The following STK39 variants were observed in gnomAD, a reference collection of about 807,000 sequenced individuals.
The protein encoded by STK39 is STE20/SPS1-related proline-alanine-rich protein kinase.
Under a neutral mutation model 77.8 loss-of-function variants are expected in STK39, and 20 were observed. The observed-to-expected ratio is 0.26, with a 90% CI of 0.18 to 0.37. The LOEUF (loss-of-function observed/expected upper bound fraction) is 0.37, where lower values mean the gene tolerates loss of function less well. STK39 is among the 10% of genes least tolerant of loss of function. STK39 has a pLI of 1.00. For missense variants in STK39, 479 were observed against 656.5 expected, an observed-to-expected ratio of 0.73 and a Z score of 2.95; for synonymous variants, 246 against 234.1, an observed-to-expected ratio of 1.05 and a Z score of -0.47.
At chr2:167,974,129 T>C (rs888668590) in intron 16 of STK39, among the ~76,000 whole-genome samples, 1 of 152,076 alleles carries the variant, frequency 6.6e-6, no homozygotes, top group Non-Finnish European at 1.5e-5. Flanking sequence ...TAAAAGATTT[T>C]TGTTTGTCTT....
chr2:168,229,039 T>A (rs773065562), intron 1 of STK39, among the ~76,000 whole-genome samples: 7 of 152,142 alleles, frequency 4.6e-5, no homozygotes, highest in Non-Finnish European at 8.8e-5. Context: ...TATAATATTT[T>A]ATGATAAGGG....
intron 10 of STK39, among the ~76,000 whole-genome samples, chr2:168,108,641 G>A (rs17782237): frequency 0.37 from 55,449 of 151,914 alleles, 11,053 homozygotes; most frequent in South Asian, 0.47. Flanking sequence ...AGTCCATAAA[G>A]GTCATTCCCC....
chr2:168,230,428 G>A (rs1344194956), intron 1 of STK39, among the ~76,000 whole-genome samples: 1 of 152,138 alleles, frequency 6.6e-6, no homozygotes, highest in African/African-American at 2.4e-5. Flanking sequence ...GAAAGTGAGG[G>A]CCAGCCAACA....
chr2:168,234,903 AGT>A (rs1190407373), intron 1 of STK39, among the ~76,000 whole-genome samples: 1 of 152,076 alleles, frequency 6.6e-6, no homozygotes, highest in Non-Finnish European at 1.5e-5. Context: ...CTGTAGTCCC[AGT>A]ACCTTGGGAG....
At chr2:168,052,504 A>G (rs931677904) in intron 14 of STK39, among the ~76,000 whole-genome samples, 7 of 152,204 alleles carry the variant, frequency 4.6e-5, no homozygotes, top group Admixed American at 1.3e-4. Flanking sequence ...TATTTTCTGT[A>G]TATGTTTCCA....
At chr2:168,078,400 G>A (rs1226021253) in intron 10 of STK39, among the ~76,000 whole-genome samples, 4 of 152,288 alleles carry the variant, frequency 2.6e-5, no homozygotes, top group African/African-American at 9.6e-5. Context: ...AGGATGAGCA[G>A]CCACAGAGAG....
intron 1 of STK39, among the ~76,000 whole-genome samples, chr2:168,235,594 T>C: frequency 8.4e-6 from 1 of 119,420 alleles, no homozygotes; most frequent in Non-Finnish European, 1.8e-5. Context: ...CCTAATGCTA[T>C]CCCTCCCCCC....
chr2:168,199,656 A>G (rs2105670628), intron 1 of STK39, among the ~76,000 whole-genome samples: 1 of 152,110 alleles, frequency 6.6e-6, no homozygotes. Context: ...CTGGGATTAC[A>G]GGTACACGCC....
At chr2:168,026,996 T>C (rs919223005) in intron 14 of STK39, among the ~76,000 whole-genome samples, 3 of 152,204 alleles carry the variant, frequency 2.0e-5, no homozygotes, top group African/African-American at 7.2e-5. Flanking sequence ...ACATGTGCAT[T>C]TATTACTTTG....
rs566785354 is a variant in STK39 at position 168,116,505 on chromosome 2, T to C, written c.1089+13036A>G. Among the ~76,000 whole-genome samples, 89 of 152,316 alleles carry C rather than the reference T, an allele frequency of 5.8e-4. 1 individual carries two copies. The highest frequency in any genetic ancestry group is 3.4e-3 in the Middle Eastern group (1 of 294). On this transcript the variant is annotated intron_variant, in intron 10 of 17. Coordinates refer to ENST00000355999, the MANE Select transcript of STK39 (RefSeq NM_013233.3). ...ATTTCAAAGTAAAAAAATATATTTT[T>C]AAAAACAAGGTATTTCTGGCCTTTT...
rs529234296 is a variant in STK39 at position 168,004,732 on chromosome 2, C to CA, written c.1498+7901dup. Among the ~76,000 whole-genome samples the CA allele has an allele frequency of 6.1e-3, 572 of 93,680 alleles. 5 individuals carry two copies. The highest frequency in any genetic ancestry group is 0.011 in the Middle Eastern group (2 of 174). The allele number at this position is 93,680 out of a possible 152,430, so 61.5% of individuals were successfully genotyped here. A position where few individuals can be genotyped will look rare whatever the true frequency, so the allele number is the denominator to read the frequency against. On this transcript the variant is annotated intron_variant, in intron 16 of 17. Transcript: ENST00000355999. ...TGGGTGACAGAGTGAGACTCCATCTCAAAAAAAAAAAAAAAAAATTAAAAT... is the reference window on the plus strand; with the variant it reads ...TGGGTGACAGAGTGAGACTCCATCTCAAAAAAAAAAAAAAAAAAATTAAAAT...
intron 10 of STK39, among the ~76,000 whole-genome samples, chr2:168,116,705 C>A (rs1307694494): frequency 6.6e-6 from 1 of 152,160 alleles, no homozygotes; most frequent in African/African-American, 2.4e-5. Flanking sequence ...GGCAGAGGGG[C>A]AAACATTTGC....
chr2:167,993,600 C>T (rs1407084529), intron 16 of STK39, among the ~76,000 whole-genome samples: 3 of 152,168 alleles, frequency 2.0e-5, no homozygotes, highest in Non-Finnish European at 4.4e-5. Context: ...GACCCCAGGT[C>T]CTGGCTGATA....
chr2:168,224,404 G>C lies in STK39; in HGVS notation c.208+22824C>G, dbSNP rs183561900. Among the ~76,000 whole-genome samples, 253 of 152,144 alleles carry C rather than the reference G, an allele frequency of 1.7e-3. 2 individuals carry two copies. Among genetic ancestry groups the C allele is most frequent in the African/African-American group, 5.5e-3 (228 of 41,476 alleles). On this transcript the variant is annotated intron_variant, in intron 1 of 17. Transcript: ENST00000355999. ...TGGTTCAACTGTTTATTTAAATCTG[G>C]TAATCAGATAAACCATCAATCTATA... is the stretch of plus-strand genomic sequence containing the variant.
intron 16 of STK39, among the ~76,000 whole-genome samples, chr2:167,974,750 T>C (rs562407934): frequency 1.3e-5 from 2 of 152,326 alleles, no homozygotes; most frequent in East Asian, 3.9e-4. Flanking sequence ...TGCTAGAGTA[T>C]AGTGTCTTTT....
chr2:168,195,226 G>A (rs1008222029), intron 1 of STK39, among the ~76,000 whole-genome samples: 1 of 152,020 alleles, frequency 6.6e-6, no homozygotes, highest in Non-Finnish European at 1.5e-5. Context: ...ATGAGACCCC[G>A]TCCCTACAAA....
intron 8 of STK39, among the ~76,000 whole-genome samples, chr2:168,135,241 T>A (rs771898748): frequency 1.6e-4 from 24 of 150,782 alleles, no homozygotes; most frequent in Non-Finnish European, 2.7e-4. Context: ...TTTCAACAAC[T>A]CCACTTGGTC....
chr2:168,140,438 A>G, intron 6 of STK39, 48 bp from the exon 7 acceptor site: 1 of 1,494,692 alleles, frequency 6.7e-7, no homozygotes, highest in Admixed American at 1.7e-5. Context: ...CAGGCATGTT[A>G]CACATCATCA....
chr2:168,083,289 C>T (rs928702871), intron 10 of STK39, among the ~76,000 whole-genome samples: 1 of 150,942 alleles, frequency 6.6e-6, no homozygotes, highest in Non-Finnish European at 1.5e-5. Flanking sequence ...TTTGCCTATA[C>T]CTCTATGTCA....
Sources: allele counts gnomAD v4.1 joint callset (sites outside exome capture counted in the v4.1 genomes callset), GRCh38; gene constraint gnomAD v4.1.1; transcripts MANE v1.5; gene names NCBI Gene and HGNC (gene_info 2026-07-23, HGNC 2026-07-21).